Variants in CDH1 observed in about 807,000 individuals in gnomAD.
CDH1 encodes the protein cadherin 1.
A neutral mutation model predicts 84.5 loss-of-function variants in CDH1; 35 were observed. The observed-to-expected ratio is 0.41, with a 90% CI of 0.32 to 0.55. CDH1 has a LOEUF of 0.55. Among genes scored for constraint, CDH1 ranks in the 20% least tolerant of loss-of-function variants. The probability of loss-of-function intolerance (pLI) is 0.19; values close to 1 mark genes in which losing one functional copy is unlikely to be tolerated. For synonymous variants in CDH1, 417 were observed against 439.0 expected (o/e 0.95, Z 0.63); for missense variants, 994 against 1,126.6 (o/e 0.88, Z 1.68).
intron 3 of CDH1, among the ~76,000 whole-genome samples, chr16:68,804,172 GGC>G (rs1960589525): frequency 7.2e-6 from 1 of 137,972 alleles, no homozygotes; most frequent in African/African-American, 2.8e-5. Flanking sequence ...GGAGTGCAGT[GGC>G]GCGATCTCAG....
chr16:68,832,219 C>A (rs1419986378), intron 15 of CDH1, among the ~76,000 whole-genome samples: 2 of 152,024 alleles, frequency 1.3e-5, no homozygotes, highest in Non-Finnish European at 2.9e-5. Context: ...TACAACAAAT[C>A]CCCATGACAT....
chr16:68,781,225 G>C (rs12929081), intron 2 of CDH1, among the ~76,000 whole-genome samples: 1 of 152,216 alleles, frequency 6.6e-6, no homozygotes, highest in African/African-American at 2.4e-5. Flanking sequence ...GGTTTGAGTT[G>C]AGGGTGGGGG....
intron 3 of CDH1, among the ~76,000 whole-genome samples, chr16:68,804,160 C>T (rs1171782477): frequency 7.8e-5 from 9 of 115,628 alleles, no homozygotes; most frequent in Non-Finnish European, 1.5e-4. Flanking sequence ...GTCACCCAGG[C>T]TGGAGTGCAG....
intron 2 of CDH1, among the ~76,000 whole-genome samples, chr16:68,774,691 G>A (rs1959679272): frequency 6.6e-6 from 1 of 152,144 alleles, no homozygotes; most frequent in Non-Finnish European, 1.5e-5. Flanking sequence ...CTGGTGTTTA[G>A]TGCTCAAGCA....
chr16:68,745,048 G>A (rs151267466), intron 2 of CDH1, among the ~76,000 whole-genome samples: 106 of 152,228 alleles, frequency 7.0e-4, no homozygotes, highest in Middle Eastern at 6.8e-3. Context: ...GGACCGGAAC[G>A]GGTTTGTTGT....
intron 3 of CDH1, among the ~76,000 whole-genome samples, chr16:68,805,156 C>T (rs1392275745): frequency 1.3e-5 from 2 of 151,584 alleles, no homozygotes; most frequent in African/African-American, 2.4e-5. Context: ...TTTCTTTTTA[C>T]TTTTCTTTTC....
In CDH1 at chr16:68,810,306, T is replaced by A. The variant is rs2152131151; in HGVS notation, c.797T>A (p.Val266Asp). Residue 266 changes from valine to aspartate, a missense_variant, in exon 6 of 16, where the codon GTC becomes GAC. Val to Asp is a radical substitution (Grantham distance 152). Transcript: ENST00000261769. ...NDNKPEFTQEVFKGSVMEGAL... is the reference protein window; with the variant it reads ...NDNKPEFTQEDFKGSVMEGAL... ...AACAAGCCCGAATTCACCCAGGAGG[T>A]CTTTAAGGGGTCTGTCATGGAAGGT... The A allele has an allele frequency of 6.2e-7, 1 of 1,613,932 alleles. No individual in the cohort carries two copies. Among genetic ancestry groups the A allele is most frequent in the Non-Finnish European group, 8.5e-7 (1 of 1,179,950 alleles).
intron 2 of CDH1, among the ~76,000 whole-genome samples, chr16:68,781,850 C>G (rs923858346): frequency 6.6e-6 from 1 of 152,102 alleles, no homozygotes; most frequent in Non-Finnish European, 1.5e-5. Flanking sequence ...CCACAGGTGC[C>G]CATATCTTAA....
At chr16:68,793,817 G>A (rs36085011) in intron 2 of CDH1, among the ~76,000 whole-genome samples, 14,313 of 151,882 alleles carry the variant, frequency 0.094, 1,367 homozygotes, top group African/African-American at 0.25. Context: ...CCTCGAACCC[G>A]GGAGGCAGGA....
intron 2 of CDH1, among the ~76,000 whole-genome samples, chr16:68,800,033 T>TA (rs34387170): frequency 0.29 from 37,860 of 129,210 alleles, 5,220 homozygotes; most frequent in Middle Eastern, 0.35. Flanking sequence ...TAATAATAAT[T>TA]AAAAAAAAAA....
At chr16:68,750,628 T>G (rs1962862776) in intron 2 of CDH1, among the ~76,000 whole-genome samples, 1 of 151,718 alleles carries the variant, frequency 6.6e-6, no homozygotes, top group Admixed American at 6.6e-5. Flanking sequence ...TTATTTGACC[T>G]GGGCAAGTTC....
chr16:68,817,561 C>G (rs1465200532), intron 10 of CDH1, among the ~76,000 whole-genome samples: 1 of 152,112 alleles, frequency 6.6e-6, no homozygotes, highest in East Asian at 1.9e-4. Context: ...TTTCCCTTAT[C>G]CAAGTGATCA....
At position 68,829,703 on chromosome 16, in the gene CDH1, T is replaced by A; in HGVS notation, c.2345T>A (p.Val782Glu). Residue 782 changes from valine (V) to glutamate (E), a missense_variant, in exon 15 of 16, where the codon GTG becomes GAG. Around this residue, in one of 3 missense-constraint regions of CDH1, gnomAD observed 769 missense variants for 881.8 expected, o/e 0.87. Coordinates refer to ENST00000261769, the MANE Select transcript of CDH1 (RefSeq NM_004360.5). Reference sequence around the variant, plus strand: ...AGGGGCCTGGACGCTCGGCCTGAAGTGACTCGTAACGACGTTGCACCAACC... The same window carrying A: ...AGGGGCCTGGACGCTCGGCCTGAAGAGACTCGTAACGACGTTGCACCAACC... Reference protein sequence around the residue: ...LHRGLDARPEVTRNDVAPTLM... With the variant: ...LHRGLDARPEETRNDVAPTLM... The A allele has an allele frequency of 6.2e-7, 1 of 1,614,126 alleles. No individual in the cohort carries two copies. The highest frequency in any genetic ancestry group is 8.5e-7 in the Non-Finnish European group (1 of 1,180,004).
chr16:68,804,725 C>G (rs527395678), intron 3 of CDH1, among the ~76,000 whole-genome samples: 1 of 151,744 alleles, frequency 6.6e-6, no homozygotes, highest in South Asian at 2.1e-4. Flanking sequence ...CTTCTGGAAC[C>G]AGGTGGTACT....
At chr16:68,826,236 G>A (rs1567514603) in intron 13 of CDH1, among the ~76,000 whole-genome samples, 1 of 152,108 alleles carries the variant, frequency 6.6e-6, no homozygotes, top group South Asian at 2.1e-4. Flanking sequence ...CCCATGTAGA[G>A]CAACATTTAA....
At position 68,829,744 on chromosome 16, in the gene CDH1, C is replaced by T. The variant is rs777363517; in HGVS notation, c.2386C>T (p.Arg796Trp). Reference sequence around the variant, plus strand: ...TGCACCAACCCTCATGAGTGTCCCCCGGTATCTTCCCCGCCCTGCCAATCC... The same window carrying T: ...TGCACCAACCCTCATGAGTGTCCCCTGGTATCTTCCCCGCCCTGCCAATCC... ...DVAPTLMSVPRYLPRPANPDE... is the reference protein window; with the variant it reads ...DVAPTLMSVPWYLPRPANPDE... Residue 796 changes from arginine to tryptophan, a missense_variant, in exon 15 of 16, where the codon CGG (arginine) becomes TGG (tryptophan). Coordinates refer to ENST00000261769, the MANE Select transcript of CDH1 (RefSeq NM_004360.5). 17 of 1,614,036 alleles carry T rather than the reference C, an allele frequency of 1.1e-5. No homozygotes were observed. The highest frequency in any genetic ancestry group is 2.2e-5 in the East Asian group (1 of 44,868).
chr16:68,771,844 G>A lies in CDH1; in HGVS notation c.164-29826G>A, dbSNP rs139474274. ...TGGCCTCTTGCCTCTGCCTCCTAAA[G>A]TGCTGGGATTACAGGCGCGAGCCAC... On this transcript the variant is annotated intron_variant, in intron 2 of 15. Transcript: ENST00000261769. 6.3e-3 allele frequency among the ~76,000 whole-genome samples: 953 copies of A among 152,088 alleles called. 18 individuals are homozygous for A. The highest frequency in any genetic ancestry group is 0.047 in the East Asian group (242 of 5,162).
Position 68,737,341 on chromosome 16 carries a change from G to C in CDH1, c.-75G>C, listed in dbSNP as rs2152113851. 1 of 1,301,624 alleles carries C rather than the reference G, an allele frequency of 7.7e-7. No individual in the cohort carries two copies. Among genetic ancestry groups the C allele is most frequent in the Non-Finnish European group, 1.1e-6 (1 of 948,494 alleles). 80.6% of individuals were successfully genotyped at this position (1,301,624 alleles called of 1,614,324 possible). ...CTGTGAGCTTGCGGAAGTCAGTTCA[G>C]ACTCCAGCCCGCTCCAGCCCGGCCC... On this transcript the variant is annotated 5_prime_UTR_variant, in exon 1 of 16. Transcript: ENST00000261769.
At chr16:68,780,738 G>A (rs536733880) in intron 2 of CDH1, among the ~76,000 whole-genome samples, 29 of 152,314 alleles carry the variant, frequency 1.9e-4, no homozygotes, top group Admixed American at 7.8e-4. Context: ...GGCTAGTACT[G>A]CACCTCATTC....
Sources: allele counts gnomAD v4.1 joint callset (sites outside exome capture counted in the v4.1 genomes callset), GRCh38; gene constraint gnomAD v4.1.1; regional missense constraint gnomAD v4.1.1; transcripts MANE v1.5; gene names NCBI Gene and HGNC (gene_info 2026-07-23, HGNC 2026-07-21).